Variants in SLC7A1 observed in about 807,000 individuals in gnomAD.
SLC7A1 encodes solute carrier family 7 member 1, also known as high affinity cationic amino acid transporter 1.
SLC7A1 carries 10 observed loss-of-function variants against 53.9 expected under a neutral mutation model. The observed-to-expected ratio is 0.19, with a 90% CI of 0.11 to 0.31. The LOEUF is 0.31. Among genes scored for constraint, SLC7A1 ranks in the 10% least tolerant of loss-of-function variants. SLC7A1 has a pLI of 1.00. For synonymous variants in SLC7A1, 342 were observed against 338.7 expected, an observed-to-expected ratio of 1.01 and a Z score of -0.11; for missense variants, 525 against 827.2, an observed-to-expected ratio of 0.63 and a Z score of 4.48.
chr13:29,549,821 C>T (rs1870093038), intron 2 of SLC7A1, among the ~76,000 whole-genome samples: 1 of 152,098 alleles, frequency 6.6e-6, no homozygotes, highest in Non-Finnish European at 1.5e-5. Context: ...CACATCACCA[C>T]ACCCAGTTAA....
At chr13:29,568,119 A>G (rs547564101) in intron 1 of SLC7A1, among the ~76,000 whole-genome samples, 1 of 152,296 alleles carries the variant, frequency 6.6e-6, no homozygotes, top group South Asian at 2.1e-4. Context: ...TATTTTCATC[A>G]ATGTGAAATG....
chr13:29,551,496 C>T (rs551266310), intron 2 of SLC7A1, among the ~76,000 whole-genome samples: 24 of 152,200 alleles, frequency 1.6e-4, no homozygotes, highest in African/African-American at 4.3e-4. Flanking sequence ...AGACTTGTGC[C>T]CCAACACCAC....
Position 29,524,327 on chromosome 13 carries a change from C to T in SLC7A1, c.705-74G>A, listed in dbSNP as rs1164445262. The T allele has an allele frequency of 2.5e-6, 4 of 1,578,566 alleles. No individual in the cohort carries two copies. In the East Asian group the frequency reaches 9.0e-5, roughly 36 times the overall value. ...TGGCGTAAGGAGCTGTGCTCATCTCCTGATATGAGCGGAACCTGGCAGTCA... is the reference window on the plus strand; with the variant it reads ...TGGCGTAAGGAGCTGTGCTCATCTCTTGATATGAGCGGAACCTGGCAGTCA... On this transcript the variant is annotated intron_variant, in intron 5 of 12. Transcript: ENST00000380752.
At chr13:29,543,873 G>C (rs1460048982) in intron 2 of SLC7A1, among the ~76,000 whole-genome samples, 2 of 152,074 alleles carry the variant, frequency 1.3e-5, no homozygotes, top group African/African-American at 2.4e-5. Flanking sequence ...GCGGGGAGGA[G>C]AGGACATGAG....
chr13:29,569,439 C>A lies in SLC7A1; in HGVS notation c.-114-15579G>T, dbSNP rs554179. On this transcript the variant is annotated intron_variant, in intron 1 of 12. Coordinates refer to ENST00000380752, the MANE Select transcript of SLC7A1 (RefSeq NM_003045.5). ...CTGCCCATCCTGAGAATGCACTCTG[C>A]TCCCTGCAGGGCCCCTGATGGCAAC... Among the ~76,000 whole-genome samples the A allele has an allele frequency of 3.4e-3, 525 of 152,316 alleles. 4 individuals are homozygous for A. Among genetic ancestry groups the A allele is most frequent in the African/African-American group, 0.012 (492 of 41,568 alleles).
At position 29,535,921 on chromosome 13, in the gene SLC7A1, G is replaced by C; in HGVS notation, c.268C>G (p.Arg90Gly). The change falls in exon 3 of 13, where the codon CGG (arginine) becomes GGG (glycine). Residue 90 changes from arginine to glycine, a missense_variant. By Grantham distance (125) the Arg-to-Gly change is moderately radical. Transcript: ENST00000380752. ...AGLCYGEFGA[R>G]VPKTGSAYLY... ...TAAGCTGAGCCCGTCTTGGGGACCCGAGCACCAAACTCGCCATAGCACAGG... is the reference window on the plus strand; with the variant it reads ...TAAGCTGAGCCCGTCTTGGGGACCCCAGCACCAAACTCGCCATAGCACAGG... 6.2e-7 allele frequency: 1 copy of C among 1,614,160 alleles called. No individual in the cohort carries two copies. The highest frequency in any genetic ancestry group is 8.5e-7 in the Non-Finnish European group (1 of 1,180,044).
At chr13:29,550,984 C>T (rs1465054525) in intron 2 of SLC7A1, among the ~76,000 whole-genome samples, 2 of 152,178 alleles carry the variant, frequency 1.3e-5, no homozygotes, top group Non-Finnish European at 2.9e-5. Context: ...ACCACAACTT[C>T]GCCTGAAGCT....
chr13:29,588,814 T>G (rs577862413), intron 1 of SLC7A1, among the ~76,000 whole-genome samples: 1 of 152,144 alleles, frequency 6.6e-6, no homozygotes, highest in Non-Finnish European at 1.5e-5. Flanking sequence ...CTCTGCAACT[T>G]TTCTTTAAGT....
At chr13:29,550,911 C>CT (rs1413371768) in intron 2 of SLC7A1, among the ~76,000 whole-genome samples, 6 of 152,290 alleles carry the variant, frequency 3.9e-5, no homozygotes, top group Non-Finnish European at 7.4e-5. Flanking sequence ...TCACTGAATC[C>CT]TTGGGGGGCT....
intron 2 of SLC7A1, among the ~76,000 whole-genome samples, chr13:29,543,954 G>A (rs1869788813): frequency 6.6e-6 from 1 of 152,172 alleles, no homozygotes; most frequent in African/African-American, 2.4e-5. Context: ...GCACAGTGGG[G>A]AAGTTGCCCA....
chr13:29,517,244 A>G lies in SLC7A1; in HGVS notation c.1577T>C (p.Leu526Pro), dbSNP rs1160842489. The change falls in exon 11 of 13, where the codon CTG becomes CCG. Residue 526 changes from leucine (L) to proline (P), a missense_variant. Physicochemically the swap from Leu to Pro is moderately conservative, Grantham distance 98. This residue lies in a region of SLC7A1 where 122 missense variants were observed against 140.9 expected (regional missense o/e 0.87). Coordinates refer to ENST00000380752, the MANE Select transcript of SLC7A1 (RefSeq NM_003045.5). Reference protein sequence around the residue: ...LGREALTKGALWAVFLLAGSA... With the variant: ...LGREALTKGAPWAVFLLAGSA... The stretch of plus-strand genomic sequence containing the variant: ...CCCTGCGAGCAGAAAGACTGCCCAC[A>G]GCGCCCCTTTGGTGAGAGCCTCCCT... The G allele has an allele frequency of 1.2e-6, 2 of 1,613,484 alleles. No homozygotes were observed. The highest frequency in any genetic ancestry group is 1.1e-5 in the South Asian group (1 of 90,874).
At chr13:29,560,129 A>T (rs776922885) in intron 1 of SLC7A1, among the ~76,000 whole-genome samples, 2 of 151,264 alleles carry the variant, frequency 1.3e-5, no homozygotes, top group South Asian at 4.2e-4. Context: ...TCTATTTTGA[A>T]TTTTTTTGTT....
At chr13:29,564,936 G>A (rs1040765153) in intron 1 of SLC7A1, among the ~76,000 whole-genome samples, 3 of 152,186 alleles carry the variant, frequency 2.0e-5, no homozygotes, top group African/African-American at 7.2e-5. Flanking sequence ...TTCTTCAACT[G>A]CACTGGCTTG....
chr13:29,517,091 A>G, intron 11 of SLC7A1, 53 bp downstream of exon 11: 1 of 1,496,486 alleles, frequency 6.7e-7, no homozygotes, highest in South Asian at 1.4e-5. Flanking sequence ...GCCAGGCATC[A>G]GGAGGGCCAG....
At chr13:29,536,288 G>A (rs1869415455) in intron 2 of SLC7A1, 86 bp from the exon 3 acceptor site, 4 of 1,306,090 alleles carry the variant, frequency 3.1e-6, no homozygotes, top group South Asian at 1.4e-5. Context: ...AACACAGACA[G>A]TGATCAGGTC....
intron 1 of SLC7A1, among the ~76,000 whole-genome samples, chr13:29,589,266 C>T (rs1872006500): frequency 6.6e-6 from 1 of 152,240 alleles, no homozygotes; most frequent in African/African-American, 2.4e-5. Context: ...GCTGACTTTC[C>T]CCTACGAACA....
chr13:29,538,048 C>T (rs1414745685), intron 2 of SLC7A1, among the ~76,000 whole-genome samples: 1 of 152,160 alleles, frequency 6.6e-6, no homozygotes, highest in African/African-American at 2.4e-5. Context: ...ATGGTGCCTG[C>T]TCTGTTTTAT....
chr13:29,588,731 C>T (rs1308205249), intron 1 of SLC7A1, among the ~76,000 whole-genome samples: 1 of 152,146 alleles, frequency 6.6e-6, no homozygotes, highest in Non-Finnish European at 1.5e-5. Flanking sequence ...TCTCAAACTC[C>T]TGGCCTCAAG....
chr13:29,562,260 CCCTACTTTCTTT>C (rs1160261373), intron 1 of SLC7A1, among the ~76,000 whole-genome samples: 1 of 152,096 alleles, frequency 6.6e-6, no homozygotes, highest in African/African-American at 2.4e-5. Context: ...ATAGTTCTTC[CCCTACTTTCTTT>C]AAGATTATTT....
Sources: gnomAD v4.1 joint callset for allele counts (sites outside exome capture counted in the v4.1 genomes callset) on GRCh38, gnomAD v4.1.1 for gene constraint, gnomAD v4.1.1 regional missense constraint, MANE v1.5 for transcripts, NCBI Gene and HGNC (gene_info 2026-07-23, HGNC 2026-07-21) for gene names.